PRAMEF2: variants seen among roughly 807,000 people sequenced by gnomAD.
The protein encoded by PRAMEF2 is PRAME family member 2.
PRAMEF2 carries 35 observed loss-of-function variants against 38.0 expected under a neutral mutation model. The observed-to-expected ratio is 0.92, with a 90% confidence interval of 0.70 to 1.22. The LOEUF (loss-of-function observed/expected upper bound fraction) is 1.22. Among genes scored for constraint, PRAMEF2 ranks in the 50% most tolerant of loss-of-function variants. The pLI, the probability that PRAMEF2 is intolerant of heterozygous loss-of-function variation, is 0.00. For synonymous variants in PRAMEF2, 240 were observed against 232.4 expected, an observed-to-expected ratio of 1.03 and a Z score of -0.30; for missense variants, 562 against 553.9, an observed-to-expected ratio of 1.01 and a Z score of -0.15.
chr1:12,859,633 A>G, intron 2 of PRAMEF2, 60 bp from the exon 3 acceptor site: 1 of 1,599,910 alleles, frequency 6.3e-7, no homozygotes, highest in Non-Finnish European at 8.5e-7. Flanking sequence ...ATGAGAATGA[A>G]AGCAAAGGTC....
At chr1:12,860,658 T>C (rs1307332786) in intron 3 of PRAMEF2, among the ~76,000 whole-genome samples, 5 of 149,908 alleles carry the variant, frequency 3.3e-5, no homozygotes, top group African/African-American at 7.3e-5. Context: ...CATTTCACAA[T>C]AGAACGTCTG....
In PRAMEF2 at chr1:12,861,370, C is replaced by T; in HGVS notation, c.1016C>T (p.Pro339Leu). The T allele has an allele frequency of 3.1e-6, 5 of 1,606,134 alleles. No individual in the cohort carries two copies. Among genetic ancestry groups the T allele is most frequent in the South Asian group, 1.1e-5 (1 of 90,440 alleles). ...YVLLFRISLE[P>L]LGALLEKIAA... is the part of the protein sequence containing the mutation. The stretch of plus-strand genomic sequence containing the variant: ...CTGCTGTTCCGCATCAGTCTTGAAC[C>T]CCTAGGAGCTCTGCTAGAGAAAATT... Residue 339 changes from proline (P) to leucine (L), a missense_variant, in exon 4 of 4, where the codon CCC becomes CTC. By Grantham distance (98) the Pro-to-Leu change is moderately conservative. Coordinates refer to ENST00000240189, the MANE Select transcript of PRAMEF2 (RefSeq NM_023014.1).
In PRAMEF2 at chr1:12,859,795, T is replaced by A; in HGVS notation, c.390T>A (p.Ser130Arg). The change falls in exon 3 of 4, where the codon AGT becomes AGA. Residue 130 changes from serine (S) to arginine (R), a missense_variant. Physicochemically the swap from Ser to Arg is moderately radical, Grantham distance 110. Coordinates refer to ENST00000240189, the MANE Select transcript of PRAMEF2 (RefSeq NM_023014.1). The part of the protein sequence containing the change: ...WALSCFPEAM[S>R]KRQTAEDCPR... ...TGTCCTGCTTCCCAGAGGCCATGAG[T>A]AAGAGGCAGACAGCAGAGGACTGTC... The A allele has an allele frequency of 6.2e-7, 1 of 1,607,022 alleles. No individual in the cohort carries two copies. Among genetic ancestry groups the A allele is most frequent in the Non-Finnish European group, 8.5e-7 (1 of 1,177,720 alleles).
rs56145411 is a variant in PRAMEF2, at chr1:12,861,478, G to C, written c.1124G>C (p.Cys375Ser). The C allele has an allele frequency of 1.5e-4, 243 of 1,585,872 alleles. 3 individuals carry two copies. The highest frequency in any genetic ancestry group is 2.0e-4 in the Non-Finnish European group (230 of 1,164,438). ...AGTGCCATCCTGCCTGGCCTGAGCT[G>C]CTGCTCCCAGCTCACCACCTTCTAC... The part of the protein sequence containing the change: ...QLSAILPGLS[C>S]CSQLTTFYFG... Residue 375 changes from cysteine to serine, a missense_variant, in exon 4 of 4, where the codon TGC becomes TCC. Cys to Ser is a moderately radical substitution (Grantham distance 112, BLOSUM62 -1). Coordinates refer to ENST00000240189, the MANE Select transcript of PRAMEF2 (RefSeq NM_023014.1).
At position 12,861,375 on chromosome 1, in the gene PRAMEF2, G is replaced by C. The variant is rs756017937; in HGVS notation, c.1021G>C (p.Gly341Arg). 3 of 1,605,484 alleles carry C rather than the reference G, an allele frequency of 1.9e-6. No individual in the cohort carries two copies. The highest frequency in any genetic ancestry group is 4.5e-5 in the East Asian group (2 of 44,578). ...LLFRISLEPL[G>R]ALLEKIAASL... ...GTTCCGCATCAGTCTTGAACCCCTA[G>C]GAGCTCTGCTAGAGAAAATTGCTGC... is the stretch of plus-strand genomic sequence containing the variant. Residue 341 changes from glycine (G) to arginine (R), a missense_variant, in exon 4 of 4, where the codon GGA becomes CGA. By Grantham distance (125) the Gly-to-Arg change is moderately radical (BLOSUM62 -2). This residue lies in a region of PRAMEF2 where 486 missense variants were observed against 444.2 expected (regional missense o/e 1.09). Transcript: ENST00000240189.
Position 12,861,489 on chromosome 1 carries a change from C to A in PRAMEF2, c.1135C>A (p.Leu379Ile). Reference sequence around the variant, plus strand: ...GCCTGGCCTGAGCTGCTGCTCCCAGCTCACCACCTTCTACTTTGGCAGCAA... The same window carrying A: ...GCCTGGCCTGAGCTGCTGCTCCCAGATCACCACCTTCTACTTTGGCAGCAA... ...ILPGLSCCSQLTTFYFGSNCM... is the reference protein window; with the variant it reads ...ILPGLSCCSQITTFYFGSNCM... Residue 379 changes from leucine (L) to isoleucine (I), a missense_variant, in exon 4 of 4, where the codon CTC (leucine) becomes ATC (isoleucine). Leu to Ile is a conservative substitution (Grantham distance 5, BLOSUM62 2). Coordinates refer to ENST00000240189, the MANE Select transcript of PRAMEF2 (RefSeq NM_023014.1). 1.1e-5 allele frequency: 17 copies of A among 1,606,254 alleles called. No individual in the cohort carries two copies. The highest frequency in any genetic ancestry group is 1.4e-5 in the Non-Finnish European group (16 of 1,177,504).
In PRAMEF2 at chr1:12,860,142, CG is replaced by C; in HGVS notation, c.738del (p.Ser247GlnfsTer9). On this transcript the variant is annotated frameshift_variant, in exon 3 of 4. Transcript: ENST00000240189. LOFTEE classifies it high-confidence loss of function. ...KLVFSRCHHY[T>X]SDNELEGWLV... is the part of the protein sequence containing the mutation. The stretch of plus-strand genomic sequence containing the variant: ...GTTTTCTCCAGGTGCCATCATTACA[CG>C]TCAGATAATGAACTCGAGGGATGGT... The C allele has an allele frequency of 6.2e-7, 1 of 1,606,656 alleles. No homozygotes were observed. Among genetic ancestry groups the C allele is most frequent in the South Asian group, 1.1e-5 (1 of 90,504 alleles).
chr1:12,858,206 G>A lies in PRAMEF2; in HGVS notation c.-25-779G>A, dbSNP rs576593837. 7.1e-4 allele frequency among the ~76,000 whole-genome samples: 107 copies of A among 149,768 alleles called. 4 individuals are homozygous for A. The highest frequency in any genetic ancestry group is 2.5e-3 in the African/African-American group (101 of 40,890). The stretch of plus-strand genomic sequence containing the variant: ...CTTCCTCTGCCTCCAGAGTAGCTAG[G>A]ATTACAGTCATGCATGACCACACCT... On this transcript the variant is annotated intron_variant, in intron 1 of 3. Transcript: ENST00000240189.
At position 12,859,965 on chromosome 1, in the gene PRAMEF2, A is replaced by C. The variant is rs200557418; in HGVS notation, c.560A>C (p.Asn187Thr). Residue 187 changes from asparagine to threonine, a missense_variant, in exon 3 of 4, where the codon AAT (asparagine) becomes ACT (threonine). Coordinates refer to ENST00000240189, the MANE Select transcript of PRAMEF2 (RefSeq NM_023014.1). Reference protein sequence around the residue: ...LVHLCCSKLVNYLTPIKYLRK... With the variant: ...LVHLCCSKLVTYLTPIKYLRK... ...CACCTGTGCTGTAGTAAGCTGGTCAATTATCTAACGCCAATTAAATATCTC... is the reference window on the plus strand; with the variant it reads ...CACCTGTGCTGTAGTAAGCTGGTCACTTATCTAACGCCAATTAAATATCTC... 5 of 1,590,802 alleles carry C rather than the reference A, an allele frequency of 3.1e-6. No individual in the cohort carries two copies. In the African/African-American group the frequency reaches 6.7e-5, roughly 21 times the overall value.
At position 12,861,666 on chromosome 1, in the gene PRAMEF2, A is replaced by T. The variant is rs756363119; in HGVS notation, c.1312A>T (p.Met438Leu). 6.3e-7 allele frequency: 1 copy of T among 1,583,320 alleles called. No individual in the cohort carries two copies. Among genetic ancestry groups the T allele is most frequent in the Non-Finnish European group, 8.6e-7 (1 of 1,161,576 alleles). ...CTTCACCCCACTTCGGGCTGAGCTG[A>T]TGTGTACACTGAGGGAATTCAGGCA... ...EIFTPLRAELMCTLREFRQPK... is the reference protein window; with the variant it reads ...EIFTPLRAELLCTLREFRQPK... The change falls in exon 4 of 4, where the codon ATG becomes TTG. Residue 438 changes from methionine to leucine, a missense_variant. Transcript: ENST00000240189.
chr1:12,861,419 G>T lies in PRAMEF2; in HGVS notation c.1065G>T (p.Val355=). ...TTGCTGCCTCTCTCGAGACCCTCGTGTTAGAGGGCTGTCAGATCCACTACT... is the reference window on the plus strand; with the variant it reads ...TTGCTGCCTCTCTCGAGACCCTCGTTTTAGAGGGCTGTCAGATCCACTACT... ...EKIAASLETL[V]LEGCQIHYSQ... The change falls in exon 4 of 4, where the codon GTG becomes GTT. Residue 355 remains valine, a synonymous_variant. Transcript: ENST00000240189. 1 of 1,596,852 alleles carries T rather than the reference G, an allele frequency of 6.3e-7. No homozygotes were observed. Among genetic ancestry groups the T allele is most frequent in the Non-Finnish European group, 8.5e-7 (1 of 1,171,682 alleles).
intron 1 of PRAMEF2, among the ~76,000 whole-genome samples, chr1:12,858,559 C>T (rs1640482900): frequency 6.7e-6 from 1 of 149,818 alleles, no homozygotes. Context: ...TTAGGGAGTC[C>T]CTTTAGTGTT....
At position 12,859,315 on chromosome 1, in the gene PRAMEF2, G is replaced by C. The variant is rs187125709; in HGVS notation, c.287+19G>C. On this transcript the variant is annotated intron_variant, in intron 2 of 3. Coordinates refer to ENST00000240189, the MANE Select transcript of PRAMEF2 (RefSeq NM_023014.1). ...GCCCCAGGTGAGGTGACCCAGGAGG[G>C]CTAGTAGATAGGGCTCAGGTGTCCA... 1 of 1,608,000 alleles carries C rather than the reference G, an allele frequency of 6.2e-7. No individual in the cohort carries two copies. The highest frequency in any genetic ancestry group is 8.5e-7 in the Non-Finnish European group (1 of 1,177,678).
rs200449318 is a variant in PRAMEF2, at chr1:12,861,338, C to T, written c.984C>T (p.Ser328=). Reference sequence around the variant, plus strand: ...GTTACCTAAAGCATCTGAATCTCAGCTACGTGCTGCTGTTCCGCATCAGTC... The same window carrying T: ...GTTACCTAAAGCATCTGAATCTCAGTTACGTGCTGCTGTTCCGCATCAGTC... ...SLGYLKHLNL[S]YVLLFRISLE... Residue 328 remains serine (S), a synonymous_variant, in exon 4 of 4, where the codon AGC becomes AGT. Coordinates refer to ENST00000240189, the MANE Select transcript of PRAMEF2 (RefSeq NM_023014.1). 1.2e-6 allele frequency: 2 copies of T among 1,607,004 alleles called. No individual in the cohort carries two copies. Among genetic ancestry groups the T allele is most frequent in the East Asian group, 4.5e-5 (2 of 44,660 alleles).
Position 12,859,681 on chromosome 1 carries a change from C to A in PRAMEF2, c.288-12C>A. ...CTCTAAATTCTGAGCCTCTCCCTTA[C>A]TTTACCCACAGGAGGTGGAAACTTC... On this transcript the variant is annotated splice_polypyrimidine_tract_variant and intron_variant, in intron 2 of 3. Transcript: ENST00000240189. 1.9e-6 allele frequency: 3 copies of A among 1,606,108 alleles called. No homozygotes were observed. Among genetic ancestry groups the A allele is most frequent in the Non-Finnish European group, 1.7e-6 (2 of 1,176,868 alleles).
Position 12,860,173 on chromosome 1 carries a change from C to T in PRAMEF2, c.768C>T (p.Val256=), listed in dbSNP as rs3204811. Residue 256 remains valine (V), a synonymous_variant, in exon 3 of 4, where the codon GTC becomes GTT. Transcript: ENST00000240189. ...ATAATGAACTCGAGGGATGGTTAGT[C>T]ACCAGATTCACCTCTGTGTTCCTCA... ...TSDNELEGWL[V]TRFTSVFLRL... 1 of 1,606,874 alleles carries T rather than the reference C, an allele frequency of 6.2e-7. No homozygotes were observed. Among genetic ancestry groups the T allele is most frequent in the Admixed American group, 1.7e-5 (1 of 58,118 alleles).
At chr1:12,860,761 G>A (rs1640534168) in intron 3 of PRAMEF2, among the ~76,000 whole-genome samples, 1 of 150,264 alleles carries the variant, frequency 6.7e-6, no homozygotes, top group Non-Finnish European at 1.5e-5. Context: ...ATTGACATGG[G>A]AAATGCGTGC....
At chr1:12,860,391 C>T in intron 3 of PRAMEF2, 120 bp downstream of exon 3, 1 of 1,519,290 alleles carries the variant, frequency 6.6e-7, no homozygotes, top group Non-Finnish European at 8.9e-7. Context: ...AAGGGAACAC[C>T]AGAATGTCAA....
Position 12,859,793 on chromosome 1 carries a change from A to T in PRAMEF2, c.388A>T (p.Ser130Cys). ...CCTGTCCTGCTTCCCAGAGGCCATG[A>T]GTAAGAGGCAGACAGCAGAGGACTG... The part of the protein sequence containing the change: ...WALSCFPEAM[S>C]KRQTAEDCPR... Residue 130 changes from serine to cysteine, a missense_variant, in exon 3 of 4, where the codon AGT becomes TGT. Physicochemically the swap from Ser to Cys is moderately radical, Grantham distance 112. Transcript: ENST00000240189. 6.2e-7 allele frequency: 1 copy of T among 1,607,212 alleles called. No homozygotes were observed. Among genetic ancestry groups the T allele is most frequent in the Non-Finnish European group, 8.5e-7 (1 of 1,177,750 alleles).
Sources: gnomAD v4.1 joint callset for allele counts (sites outside exome capture counted in the v4.1 genomes callset) on GRCh38, gnomAD v4.1.1 for gene constraint, gnomAD v4.1.1 regional missense constraint, MANE v1.5 for transcripts, NCBI Gene and HGNC (gene_info 2026-07-23, HGNC 2026-07-21) for gene names.